The following BAZ2B variants were observed in gnomAD, a reference collection of about 807,000 sequenced individuals.
BAZ2B encodes the protein bromodomain adjacent to zinc finger domain 2B.
Under a neutral mutation model 246.0 loss-of-function variants are expected in BAZ2B, and 91 were observed. That is an observed-to-expected ratio of 0.37 (90% CI 0.31 to 0.44). BAZ2B has a LOEUF of 0.44. BAZ2B is among the 20% of genes least tolerant of loss of function. BAZ2B has a pLI of 1.00. For synonymous variants in BAZ2B, 855 were observed against 860.0 expected (o/e 0.99, Z 0.10); for missense variants, 2,332 against 2,533.7 (o/e 0.92, Z 1.71).
intron 27 of BAZ2B, among the ~76,000 whole-genome samples, chr2:159,369,449 AT>A (rs1399753817): frequency 6.6e-6 from 1 of 152,190 alleles, no homozygotes; most frequent in Non-Finnish European, 1.5e-5. Flanking sequence ...GAGTAGAGAC[AT>A]GATATGATGA....
At chr2:159,554,958 C>T (rs1463813487) in intron 2 of BAZ2B, among the ~76,000 whole-genome samples, 1 of 152,022 alleles carries the variant, frequency 6.6e-6, no homozygotes, top group African/African-American at 2.4e-5. Flanking sequence ...TCAAAAAACT[C>T]TCCATATCTG....
intron 5 of BAZ2B, among the ~76,000 whole-genome samples, 198 bp from the exon 6 acceptor site, chr2:159,447,173 G>T (rs983754743): frequency 1.3e-5 from 2 of 151,568 alleles, no homozygotes; most frequent in Admixed American, 1.3e-4. Flanking sequence ...AAAACTGATC[G>T]CTTCCAGGGC....
At chr2:159,392,976 G>A (rs2063526050) in intron 20 of BAZ2B, among the ~76,000 whole-genome samples, 1 of 139,342 alleles carries the variant, frequency 7.2e-6, no homozygotes, top group Non-Finnish European at 1.6e-5. Context: ...ATTACATTTA[G>A]AAATTTAAAA....
intron 34 of BAZ2B, among the ~76,000 whole-genome samples, chr2:159,329,976 CTTAAG>C (rs1553478607): frequency 1.3e-5 from 2 of 152,078 alleles, no homozygotes; most frequent in South Asian, 2.1e-4. Flanking sequence ...CTTTCTATAA[CTTAAG>C]TTATGAAGTT....
chr2:159,630,756 G>A, the BAZ2B span, among the ~76,000 whole-genome samples: 79,369 of 149,468 alleles, frequency 0.53, 21,443 homozygotes, highest in East Asian at 0.73. Flanking sequence ...GGATGGTCTC[G>A]ATCTCCTGAC....
chr2:159,504,406 C>T (rs778150734), intron 2 of BAZ2B, among the ~76,000 whole-genome samples: 1 of 152,054 alleles, frequency 6.6e-6, no homozygotes, highest in Non-Finnish European at 1.5e-5. Context: ...CAGGCAGACC[C>T]TAGTGCACTT....
the BAZ2B span, among the ~76,000 whole-genome samples, chr2:159,681,305 CAGTGTTTA>C: frequency 6.6e-6 from 1 of 151,832 alleles, no homozygotes; most frequent in Non-Finnish European, 1.5e-5. Context: ...TTTTAAAAGT[CAGTGTTTA>C]AGTGTTTAAG....
chr2:159,662,096 C>T, the BAZ2B span, among the ~76,000 whole-genome samples: 1 of 152,214 alleles, frequency 6.6e-6, no homozygotes, highest in Non-Finnish European at 1.5e-5. Context: ...AATCATACAA[C>T]ATGTGGCCTT....
At chr2:159,439,941 C>G (rs949362831) in intron 6 of BAZ2B, among the ~76,000 whole-genome samples, 1 of 151,748 alleles carries the variant, frequency 6.6e-6, no homozygotes, top group African/African-American at 2.4e-5. Context: ...AAATAAAATC[C>G]AAAGCTGGTA....
At chr2:159,539,235 AG>A (rs759577868) in intron 2 of BAZ2B, among the ~76,000 whole-genome samples, 3 of 152,246 alleles carry the variant, frequency 2.0e-5, no homozygotes, top group Admixed American at 2.0e-4. Context: ...CTCCTAATGA[AG>A]AAAAGAAGAA....
At chr2:159,648,697 A>G in the BAZ2B span, among the ~76,000 whole-genome samples, 1 of 152,124 alleles carries the variant, frequency 6.6e-6, no homozygotes. Flanking sequence ...TACAGATATC[A>G]GGTTTTATTT....
chr2:159,671,562 T>C, the BAZ2B span, among the ~76,000 whole-genome samples: 1 of 152,182 alleles, frequency 6.6e-6, no homozygotes, highest in Non-Finnish European at 1.5e-5. Flanking sequence ...TTTCACCAAT[T>C]AGACAAAAAA....
At chr2:159,315,816 G>C (rs920431289), downstream of BAZ2B, among the ~76,000 whole-genome samples, 1 of 152,168 alleles carries the variant, frequency 6.6e-6, no homozygotes, top group South Asian at 2.1e-4. Context: ...AAAAATCACT[G>C]AAGTATTATT....
At chr2:159,425,484 T>C (rs1268428050) in intron 13 of BAZ2B, among the ~76,000 whole-genome samples, 2 of 152,076 alleles carry the variant, frequency 1.3e-5, no homozygotes, top group African/African-American at 2.4e-5. Flanking sequence ...CCCGGCCTGT[T>C]TTTCACATTA....
the BAZ2B span, among the ~76,000 whole-genome samples, chr2:159,677,912 C>G: frequency 2.6e-5 from 4 of 152,138 alleles, no homozygotes; most frequent in East Asian, 5.8e-4. Context: ...ATCTAGTGGT[C>G]TTAAATTTCT....
chr2:159,653,792 A>G, the BAZ2B span, among the ~76,000 whole-genome samples: 1 of 152,190 alleles, frequency 6.6e-6, no homozygotes, highest in East Asian at 1.9e-4. Context: ...AAGATTTAAC[A>G]TGAAACAATG....
At chr2:159,481,101 C>G (rs1364619754) in intron 2 of BAZ2B, among the ~76,000 whole-genome samples, 1 of 152,022 alleles carries the variant, frequency 6.6e-6, no homozygotes, top group African/African-American at 2.4e-5. Flanking sequence ...CAAATCCACT[C>G]TAGCCTTTGC....
At chr2:159,422,127 A>C (rs1187212686) in intron 13 of BAZ2B, among the ~76,000 whole-genome samples, 2 of 152,240 alleles carry the variant, frequency 1.3e-5, no homozygotes, top group Non-Finnish European at 2.9e-5. Flanking sequence ...TTCCATGCTC[A>C]TGGATAGGAA....
chr2:159,487,545 C>T (rs2079972968), intron 2 of BAZ2B, among the ~76,000 whole-genome samples: 1 of 152,150 alleles, frequency 6.6e-6, no homozygotes, highest in Non-Finnish European at 1.5e-5. Flanking sequence ...TAATTTCAAA[C>T]CACTGCCCAC....
Sources: allele counts gnomAD v4.1 joint callset (sites outside exome capture counted in the v4.1 genomes callset), GRCh38; gene constraint gnomAD v4.1.1; transcripts MANE v1.5; gene names NCBI Gene and HGNC (gene_info 2026-07-23, HGNC 2026-07-21).